The following DHX30 variants were observed in gnomAD, a reference collection of about 807,000 sequenced individuals.
DHX30 encodes the protein ATP-dependent RNA helicase DHX30.
DHX30 carries 4 observed loss-of-function variants against 116.9 expected under a neutral mutation model. That is an observed-to-expected ratio of 0.03 (90% CI 0.02 to 0.08). The LOEUF (loss-of-function observed/expected upper bound fraction) is 0.08. DHX30 is among the 10% of genes least tolerant of loss of function. The pLI, the probability that DHX30 is intolerant of heterozygous loss-of-function variation, is 1.00. For synonymous variants in DHX30, 697 were observed against 651.7 expected, an observed-to-expected ratio of 1.07 and a Z score of -1.06; for missense variants, 871 against 1,595.1, an observed-to-expected ratio of 0.55 and a Z score of 7.73.
chr3:47,810,529 G>A, intron 2 of DHX30, 128 bp from the exon 3 acceptor site: 1 of 703,588 alleles, frequency 1.4e-6, no homozygotes, highest in Non-Finnish European at 2.5e-6. Context: ...GCAGCAGTTG[G>A]GGCTCATTAG....
chr3:47,823,999 T>TC (rs2036417850), intron 4 of DHX30, among the ~76,000 whole-genome samples: 1 of 135,792 alleles, frequency 7.4e-6, no homozygotes, highest in African/African-American at 3.0e-5. Flanking sequence ...TCTTTTCCTT[T>TC]TTTTTTTTTT....
At chr3:47,823,648 C>T (rs1237837336) in intron 4 of DHX30, among the ~76,000 whole-genome samples, 1 of 152,168 alleles carries the variant, frequency 6.6e-6, no homozygotes, top group Non-Finnish European at 1.5e-5. Context: ...AGGCATGAGC[C>T]ACTGCGCCTG....
intron 6 of DHX30, chr3:47,830,816 A>G (rs1001379390): frequency 6.6e-6 from 1 of 152,270 alleles, no homozygotes; most frequent in Non-Finnish European, 1.5e-5. Context: ...GCTGGTCCCA[A>G]ACTCCTGGTC....
In DHX30 at chr3:47,848,164, T is replaced by G; in HGVS notation, c.2287-16T>G. 6.2e-7 allele frequency: 1 copy of G among 1,613,272 alleles called. No homozygotes were observed. Among genetic ancestry groups the G allele is most frequent in the African/African-American group, 1.3e-5 (1 of 75,040 alleles). On this transcript the variant is annotated splice_polypyrimidine_tract_variant and intron_variant, in intron 14 of 21. Transcript: ENST00000445061. The surrounding 1 kb of genome is among the most constrained non-coding windows in gnomAD (Gnocchi z 9.4). ...GAAGTGGCATTTGTGTGCTGCTTAC[T>G]TGCCACCTCCTCCAGGTGTCCTGCC...
At chr3:47,819,768 C>T (rs1191817671) in intron 4 of DHX30, among the ~76,000 whole-genome samples, 1 of 152,156 alleles carries the variant, frequency 6.6e-6, no homozygotes, top group Non-Finnish European at 1.5e-5. Context: ...TGATCACCTC[C>T]CTACCTCCTT....
chr3:47,806,428 C>T (rs2035526493), intron 2 of DHX30, among the ~76,000 whole-genome samples: 1 of 150,986 alleles, frequency 6.6e-6, no homozygotes, highest in Admixed American at 6.6e-5. Context: ...AGGTGTGAGC[C>T]ACCGTGCCTG....
intron 8 of DHX30, chr3:47,841,965 A>G (rs2037395413): frequency 3.5e-6 from 2 of 579,480 alleles, no homozygotes; most frequent in Non-Finnish European, 3.1e-6. Flanking sequence ...CAGAAGACCC[A>G]TACCTCTTCT....
At chr3:47,841,477 C>A in intron 7 of DHX30, 140 bp from the exon 8 acceptor site, 1 of 1,209,706 alleles carries the variant, frequency 8.3e-7, no homozygotes, top group Non-Finnish European at 1.1e-6. Context: ...GCAGAGACGC[C>A]CGGTTTCCCA....
intron 9 of DHX30, among the ~76,000 whole-genome samples, chr3:47,845,151 G>A (rs1200461042): frequency 1.3e-5 from 2 of 152,124 alleles, no homozygotes; most frequent in African/African-American, 4.8e-5. Flanking sequence ...GGGCTGTTCT[G>A]CTGTGACACA....
chr3:47,816,592 G>C (rs1263701557), intron 3 of DHX30: 3 of 980,162 alleles, frequency 3.1e-6, no homozygotes, highest in Non-Finnish European at 3.6e-6. Flanking sequence ...TCTTGACCTT[G>C]TGATCCGCTG....
intron 3 of DHX30, chr3:47,816,012 G>A (rs1029163340): frequency 1.0e-6 from 1 of 984,160 alleles, no homozygotes; most frequent in African/African-American, 1.8e-5. Context: ...TGGAGAGGTT[G>A]AGCTGGTCAT....
chr3:47,820,003 G>A (rs532496260), intron 4 of DHX30, among the ~76,000 whole-genome samples: 2 of 152,196 alleles, frequency 1.3e-5, no homozygotes, highest in Non-Finnish European at 2.9e-5. Flanking sequence ...TTCTTGATGT[G>A]GTGGTTTACG....
At chr3:47,816,231 G>A (rs1274007607) in intron 3 of DHX30, 1 of 984,942 alleles carries the variant, frequency 1.0e-6, no homozygotes, top group East Asian at 1.1e-4. Context: ...TTGGGCCAAT[G>A]CAACTGCAAC....
chr3:47,849,725 C>T lies in DHX30; in HGVS notation c.3287C>T (p.Pro1096Leu), dbSNP rs2107178598. The T allele has an allele frequency of 2.5e-6, 4 of 1,614,084 alleles. No individual in the cohort carries two copies. The highest frequency in any genetic ancestry group is 1.1e-5 in the South Asian group (1 of 91,078). The change falls in exon 21 of 22, where the codon CCG becomes CTG. Residue 1096 changes from proline to leucine, a missense_variant. This residue lies in a region of DHX30 where 238 missense variants were observed against 481.0 expected (regional missense o/e 0.49). Transcript: ENST00000445061. ...GTCCGGGACTCCTCTCAGGTGCACC[C>T]GCTAGCTGTGCTGCTGCTGACCGAC... is the stretch of plus-strand genomic sequence containing the variant. Reference protein sequence around the residue: ...VFVRDSSQVHPLAVLLLTDGD... With the variant: ...VFVRDSSQVHLLAVLLLTDGD...
chr3:47,827,237 G>A (rs999961158), intron 4 of DHX30, 110 bp from the exon 5 acceptor site: 86 of 1,183,148 alleles, frequency 7.3e-5, no homozygotes, highest in Non-Finnish European at 9.4e-5. Context: ...GTGGTTTGGG[G>A]TCATGAGCCA....
chr3:47,844,661 T>C (rs2037521306), intron 9 of DHX30, among the ~76,000 whole-genome samples: 1 of 152,202 alleles, frequency 6.6e-6, no homozygotes, highest in Non-Finnish European at 1.5e-5. Context: ...GGAGGGAGTG[T>C]TTGATCTGGG....
chr3:47,841,916 C>T, intron 8 of DHX30, 179 bp downstream of exon 8: 2 of 823,902 alleles, frequency 2.4e-6, no homozygotes, highest in Non-Finnish European at 3.8e-6. Context: ...GGAGGTCAAG[C>T]CTCAGCAGCA....
chr3:47,838,132 G>A (rs914381389), intron 6 of DHX30, among the ~76,000 whole-genome samples: 3 of 152,200 alleles, frequency 2.0e-5, no homozygotes, highest in East Asian at 3.8e-4. Flanking sequence ...GAAGGGAGGC[G>A]GTGACGCAAA....
At chr3:47,838,337 T>C (rs1399742861) in intron 6 of DHX30, among the ~76,000 whole-genome samples, 1 of 152,196 alleles carries the variant, frequency 6.6e-6, no homozygotes, top group Non-Finnish European at 1.5e-5. Context: ...TTGTGTTCAA[T>C]TTATGGATTA....
Sources: gnomAD v4.1 joint callset for allele counts (sites outside exome capture counted in the v4.1 genomes callset) on GRCh38, gnomAD v4.1.1 for gene constraint, gnomAD v4.1.1 regional missense constraint, Gnocchi (gnomAD v3.1) non-coding constraint, MANE v1.5 for transcripts, NCBI Gene and HGNC (gene_info 2026-07-23, HGNC 2026-07-21) for gene names.